Variants in NUSAP1 observed in about 807,000 individuals in gnomAD.
The protein encoded by NUSAP1 is nucleolar and spindle associated protein 1, also known as nucleolar and spindle-associated protein 1.
A neutral mutation model predicts 52.8 loss-of-function variants in NUSAP1; 32 were observed. The ratio of observed to expected loss-of-function variants is 0.61; its 90% confidence interval spans 0.46 to 0.81. NUSAP1 has a LOEUF of 0.81. Among genes scored for constraint, NUSAP1 ranks in the 40% least tolerant of loss-of-function variants. The probability of loss-of-function intolerance (pLI) is 0.00; values close to 1 mark genes in which losing one functional copy is unlikely to be tolerated. For missense variants in NUSAP1, 499 were observed against 522.3 expected, an observed-to-expected ratio of 0.96 and a Z score of 0.43; for synonymous variants, 195 against 183.1, an observed-to-expected ratio of 1.06 and a Z score of -0.52.
At chr15:41,368,907 T>G (rs576717907) in intron 7 of NUSAP1, among the ~76,000 whole-genome samples, 73 of 151,858 alleles carry the variant, frequency 4.8e-4, no homozygotes, top group Middle Eastern at 3.4e-3. Context: ...TAATTCTTTT[T>G]TTTGTTTGTT....
At position 41,380,163 on chromosome 15, in the gene NUSAP1, G is replaced by T. The variant is rs375567093; in HGVS notation, c.1303G>T (p.Gly435Cys). 5.1e-6 allele frequency: 8 copies of T among 1,582,242 alleles called. No homozygotes were observed. Among genetic ancestry groups the T allele is most frequent in the Non-Finnish European group, 6.9e-6 (8 of 1,164,096 alleles). ...AGCAAAGGTTTTGGGAATGCGAAGG[G>T]GCCTCATTTTGGCTGAAGATTAATA... ...KKAKVLGMRR[G>C]LILAED Residue 435 changes from glycine (G) to cysteine (C), a missense_variant, in exon 11 of 11, where the codon GGC (glycine) becomes TGC (cysteine). By Grantham distance (159) the Gly-to-Cys change is radical. Transcript: ENST00000559596.
chr15:41,357,426 A>G (rs780620851), intron 5 of NUSAP1, among the ~76,000 whole-genome samples: 2 of 151,866 alleles, frequency 1.3e-5, no homozygotes, highest in African/African-American at 4.8e-5. Flanking sequence ...ACCATACCAT[A>G]TGTGGCCATA....
intron 2 of NUSAP1, 65 bp from the exon 3 acceptor site, chr15:41,349,033 C>A: frequency 6.8e-7 from 1 of 1,479,906 alleles, no homozygotes; most frequent in Non-Finnish European, 9.3e-7. Flanking sequence ...TGTCTCAATT[C>A]TGATTCTTCC....
intron 10 of NUSAP1, among the ~76,000 whole-genome samples, chr15:41,377,855 G>T (rs1175351688): frequency 6.6e-6 from 1 of 151,224 alleles, no homozygotes; most frequent in Non-Finnish European, 1.5e-5. Flanking sequence ...CAAAAAATTA[G>T]CCGGGCGTGG....
intron 4 of NUSAP1, among the ~76,000 whole-genome samples, chr15:41,351,780 T>G (rs2048786942): frequency 1.3e-5 from 2 of 151,936 alleles, no homozygotes; most frequent in South Asian, 4.1e-4. Context: ...TGAGACCCTA[T>G]CTCAAAAAAT....
chr15:41,358,869 C>A (rs530733170), intron 6 of NUSAP1, among the ~76,000 whole-genome samples: 1 of 152,316 alleles, frequency 6.6e-6, no homozygotes, highest in South Asian at 2.1e-4. Flanking sequence ...AAGCCATCTT[C>A]TTTCCCTCGT....
intron 4 of NUSAP1, among the ~76,000 whole-genome samples, chr15:41,354,670 GATATATATAT>G (rs10541882): frequency 6.8e-6 from 1 of 146,036 alleles, no homozygotes; most frequent in Non-Finnish European, 1.5e-5. Context: ...TGTTTTAACC[GATATATATAT>G]ATATATATAT....
chr15:41,341,958 A>G (rs966904278), intron 1 of NUSAP1, among the ~76,000 whole-genome samples: 2 of 152,238 alleles, frequency 1.3e-5, no homozygotes, highest in African/African-American at 4.8e-5. Context: ...AAGTTCTTCA[A>G]ACTCCACCCT....
intron 7 of NUSAP1, among the ~76,000 whole-genome samples, chr15:41,366,095 TATC>T (rs1362991407): frequency 6.6e-6 from 1 of 152,060 alleles, no homozygotes; most frequent in Admixed American, 6.6e-5. Flanking sequence ...CTCAAATAGT[TATC>T]ATTGCTTTAT....
chr15:41,373,197 C>T (rs559269469), intron 8 of NUSAP1, among the ~76,000 whole-genome samples: 1 of 151,816 alleles, frequency 6.6e-6, no homozygotes, highest in African/African-American at 2.4e-5. Flanking sequence ...GCATGGAGAC[C>T]AACCTGGCCA....
intron 2 of NUSAP1, 124 bp from the exon 3 acceptor site, chr15:41,348,974 T>TA: frequency 3.2e-6 from 3 of 927,716 alleles, no homozygotes; most frequent in Non-Finnish European, 4.8e-6. Context: ...AATTTACCGC[T>TA]AGAGAGTTTT....
chr15:41,379,504 A>AG (rs1040903963), intron 10 of NUSAP1, among the ~76,000 whole-genome samples: 1 of 152,048 alleles, frequency 6.6e-6, no homozygotes, highest in African/African-American at 2.4e-5. Flanking sequence ...TCAATCAGCA[A>AG]GGTGTCTCCT....
At chr15:41,342,576 G>A (rs78809244) in intron 2 of NUSAP1, 122 bp downstream of exon 2, 94,055 of 737,604 alleles carry the variant, frequency 0.13, 12,876 homozygotes, top group East Asian at 0.59. Flanking sequence ...TGTGGCTCAC[G>A]CCTATACTCC....
chr15:41,350,661 A>G (rs1165256959), intron 3 of NUSAP1, among the ~76,000 whole-genome samples: 1 of 152,170 alleles, frequency 6.6e-6, no homozygotes, highest in Non-Finnish European at 1.5e-5. Context: ...TCTTGGAGTG[A>G]ATAAATGCAG....
Position 41,349,214 on chromosome 15 carries a change from G to A in NUSAP1, c.279G>A (p.Lys93=), listed in dbSNP as rs1309743385. The change falls in exon 3 of 11, where the codon AAG becomes AAA. Residue 93 remains lysine (K), a synonymous_variant. Transcript: ENST00000559596. ...GHVTKTRRRC[K]TVRVDPDSQQ... Reference sequence around the variant, plus strand: ...TCACCAAAACAAGGAGAAGGTGCAAGACTGTCCGTGTGGACCCTGACTCAC... The same window carrying A: ...TCACCAAAACAAGGAGAAGGTGCAAAACTGTCCGTGTGGACCCTGACTCAC... 8.1e-6 allele frequency: 13 copies of A among 1,613,942 alleles called. No individual in the cohort carries two copies. In the South Asian group the frequency reaches 1.2e-4, roughly 15 times the overall value.
At chr15:41,375,885 G>C in intron 9 of NUSAP1, 57 bp downstream of exon 9, 2 of 1,212,104 alleles carry the variant, frequency 1.7e-6, no homozygotes, top group Non-Finnish European at 2.4e-6. Flanking sequence ...TTGGTGGGAC[G>C]CAGTGGCTCA....
At position 41,350,994 on chromosome 15, in the gene NUSAP1, C is replaced by G. The variant is rs369330327; in HGVS notation, c.313C>G (p.His105Asp). 23 of 1,603,252 alleles carry G rather than the reference C, an allele frequency of 1.4e-5. No homozygotes were observed. In the African/African-American group the frequency reaches 2.8e-4, roughly 20 times the overall value. ...TTCCTTTTTAAATTTGTAGCAGAATCATTCAGAGATAAAAATAAGTAATCC... is the reference window on the plus strand; with the variant it reads ...TTCCTTTTTAAATTTGTAGCAGAATGATTCAGAGATAAAAATAAGTAATCC... Reference protein sequence around the residue: ...VRVDPDSQQNHSEIKISNPTE... With the variant: ...VRVDPDSQQNDSEIKISNPTE... The change falls in exon 4 of 11, where the codon CAT becomes GAT. Residue 105 changes from histidine to aspartate, a missense_variant. Coordinates refer to ENST00000559596, the MANE Select transcript of NUSAP1 (RefSeq NM_016359.5).
intron 1 of NUSAP1, among the ~76,000 whole-genome samples, chr15:41,336,261 C>T (rs910065522): frequency 4.1e-5 from 6 of 146,406 alleles, no homozygotes; most frequent in East Asian, 2.0e-4. Context: ...AGCGAAACTC[C>T]GTCTAAAAAT....
chr15:41,337,956 A>G (rs1342236814), intron 1 of NUSAP1, among the ~76,000 whole-genome samples: 5 of 107,162 alleles, frequency 4.7e-5, no homozygotes, highest in Non-Finnish European at 5.3e-5. Context: ...TTTTTGAGTC[A>G]CAGTCTTGCT....
Sources: gnomAD v4.1 joint callset for allele counts (sites outside exome capture counted in the v4.1 genomes callset) on GRCh38, gnomAD v4.1.1 for gene constraint, MANE v1.5 for transcripts, NCBI Gene and HGNC (gene_info 2026-07-23, HGNC 2026-07-21) for gene names.